RTTN: variants seen among roughly 807,000 people sequenced by gnomAD.
The protein encoded by RTTN is rotatin.
In RTTN, 182 loss-of-function variants were observed where a neutral mutation model predicts 269.2. That is an observed-to-expected ratio of 0.68 (90% CI 0.60 to 0.76). The LOEUF is 0.76. Among genes scored for constraint, RTTN ranks in the 30% least tolerant of loss-of-function variants. The pLI, the probability that RTTN is intolerant of heterozygous loss-of-function variation, is 0.00. For missense variants in RTTN, 2,545 were observed against 2,608.6 expected (o/e 0.98, Z 0.53); for synonymous variants, 1,006 against 963.5 (o/e 1.04, Z -0.82).
intron 40 of RTTN, among the ~76,000 whole-genome samples, chr18:70,044,169 A>G (rs914876520): frequency 6.6e-6 from 1 of 152,210 alleles, no homozygotes; most frequent in Non-Finnish European, 1.5e-5. Flanking sequence ...TACAGTGAAC[A>G]TTCATCAACA....
chr18:70,087,922 C>T (rs1287804575), intron 31 of RTTN, 67 bp downstream of exon 31: 1 of 1,518,098 alleles, frequency 6.6e-7, no homozygotes, highest in African/African-American at 1.4e-5. Context: ...GAGCGGCAGT[C>T]AAGTATCGCT....
At chr18:70,144,671 C>T (rs576468530) in intron 18 of RTTN, among the ~76,000 whole-genome samples, 12 of 152,170 alleles carry the variant, frequency 7.9e-5, no homozygotes, top group Non-Finnish European at 1.5e-4. Flanking sequence ...AAGTCCCAAC[C>T]AGACCTGGTA....
intron 28 of RTTN, among the ~76,000 whole-genome samples, chr18:70,094,530 T>C (rs1353451776): frequency 6.6e-6 from 1 of 152,236 alleles, no homozygotes; most frequent in Non-Finnish European, 1.5e-5. Flanking sequence ...TCTGCCTTAA[T>C]TGTGTTATTT....
At chr18:70,048,448 T>G (rs541167563) in intron 39 of RTTN, among the ~76,000 whole-genome samples, 4 of 152,300 alleles carry the variant, frequency 2.6e-5, no homozygotes, top group African/African-American at 7.2e-5. Flanking sequence ...ATTCACAAAC[T>G]TAATACAGAG....
chr18:70,174,858 TA>T (rs66794784), intron 11 of RTTN, among the ~76,000 whole-genome samples: 15,005 of 143,320 alleles, frequency 0.1, 1,318 homozygotes, highest in African/African-American at 0.24. Context: ...TGGTCTCTAC[TA>T]AAAAAAAAAA....
At position 70,073,958 on chromosome 18, in the gene RTTN, G is replaced by C. The variant is rs1462153838; in HGVS notation, c.4601C>G (p.Ser1534Cys). Reference protein sequence around the residue: ...DDSFKFWRAPSRTSQDRDPSS... With the variant: ...DDSFKFWRAPCRTSQDRDPSS... Reference sequence around the variant, plus strand: ...TGGATCTCGATCCTGACTTGTCCTAGATGGAGCCCTCCAAAACTTGAATGA... The same window carrying C: ...TGGATCTCGATCCTGACTTGTCCTACATGGAGCCCTCCAAAACTTGAATGA... The change falls in exon 34 of 49, where the codon TCT becomes TGT. Residue 1534 changes from serine (S) to cysteine (C), a missense_variant. Ser to Cys is a moderately radical substitution (Grantham distance 112, BLOSUM62 -1). Transcript: ENST00000640769. 3 of 1,611,908 alleles carry C rather than the reference G, an allele frequency of 1.9e-6. No homozygotes were observed. Among genetic ancestry groups the C allele is most frequent in the Non-Finnish European group, 2.5e-6 (3 of 1,178,464 alleles).
At chr18:70,177,338 A>G (rs1408519140) in intron 10 of RTTN, among the ~76,000 whole-genome samples, 1 of 152,224 alleles carries the variant, frequency 6.6e-6, no homozygotes, top group Admixed American at 6.5e-5. Context: ...GCATCAAGGA[A>G]AGTCAAATAA....
chr18:70,173,487 A>T (rs1365360293), intron 11 of RTTN, among the ~76,000 whole-genome samples: 1 of 146,096 alleles, frequency 6.8e-6, no homozygotes, highest in Non-Finnish European at 1.5e-5. Context: ...GCAAGACTCC[A>T]ACTCAAAAAA....
chr18:70,051,789 T>A (rs914460632), intron 38 of RTTN, among the ~76,000 whole-genome samples: 1 of 152,182 alleles, frequency 6.6e-6, no homozygotes, highest in Non-Finnish European at 1.5e-5. Flanking sequence ...CAAACTCTCC[T>A]CTTATTAAAG....
intron 10 of RTTN, among the ~76,000 whole-genome samples, chr18:70,184,757 T>TGTGTGG (rs2146045465): frequency 8.3e-6 from 1 of 120,528 alleles, no homozygotes; most frequent in South Asian, 3.3e-4. Context: ...TGTGTGTGTG[T>TGTGTGG]GGTGGCGGGC....
At chr18:70,157,326 G>A (rs1294315153) in intron 14 of RTTN, among the ~76,000 whole-genome samples, 5 of 152,174 alleles carry the variant, frequency 3.3e-5, no homozygotes, top group African/African-American at 9.7e-5. Context: ...GCACCCCCAG[G>A]GTTAGAGCAC....
chr18:70,035,906 C>T lies in RTTN; in HGVS notation c.5542-4925G>A, dbSNP rs546324392. On this transcript the variant is annotated intron_variant, in intron 40 of 48. Transcript: ENST00000640769. ...AGTGGGCAAAGGACACAAACAGACA[C>T]TTCTCAAAAGAAGACATACACATTG... Among the ~76,000 whole-genome samples the T allele has an allele frequency of 2.0e-5, 3 of 152,270 alleles. No individual in the cohort carries two copies. In the South Asian group the frequency reaches 6.2e-4, roughly 32 times the overall value.
intron 7 of RTTN, among the ~76,000 whole-genome samples, 162 bp from the exon 8 acceptor site, chr18:70,193,615 A>C (rs2146118392): frequency 6.6e-6 from 1 of 152,370 alleles, no homozygotes; most frequent in South Asian, 2.1e-4. Context: ...TTCTATAAGT[A>C]TTCACTTAGT....
In RTTN at chr18:70,196,662, G is replaced by A. The variant is rs964474949; in HGVS notation, c.694-14C>T. On this transcript the variant is annotated splice_polypyrimidine_tract_variant and intron_variant, in intron 6 of 48. Coordinates refer to ENST00000640769, the MANE Select transcript of RTTN (RefSeq NM_173630.4). ...AGATAAAAGGCTCTGAAATCAAGAA[G>A]AGCCGTGAAAATTACTAAGGGAACA... 5 of 1,604,558 alleles carry A rather than the reference G, an allele frequency of 3.1e-6. No individual in the cohort carries two copies. Among genetic ancestry groups the A allele is most frequent in the Non-Finnish European group, 4.2e-6 (5 of 1,177,514 alleles).
rs2061222009 is a variant in RTTN, at chr18:70,174,135, TATATGAAAG to T, written c.1476+2531_1476+2539del. ...ACTGAACTATGTACTTTTCTGAATG[TATATGAAAG>T]TTTAAAAAAAAAAAAAAAAGCCTTT... On this transcript the variant is annotated intron_variant, in intron 11 of 48. Transcript: ENST00000640769. 3.6e-5 allele frequency among the ~76,000 whole-genome samples: 4 copies of T among 111,152 alleles called. No homozygotes were observed. In the South Asian group the frequency reaches 1.7e-3, roughly 47 times the overall value. 72.9% of individuals were successfully genotyped at this position (111,152 alleles called of 152,430 possible). A position where few individuals can be genotyped will look rare whatever the true frequency, so the allele number is the denominator to read the frequency against.
intron 8 of RTTN, among the ~76,000 whole-genome samples, chr18:70,191,903 G>T (rs918405129): frequency 3.9e-5 from 6 of 152,166 alleles, no homozygotes; most frequent in African/African-American, 1.4e-4. Flanking sequence ...GAAGCATGAA[G>T]CACACAAGAG....
intron 40 of RTTN, among the ~76,000 whole-genome samples, chr18:70,037,400 C>T (rs2057208414): frequency 6.6e-6 from 1 of 152,194 alleles, no homozygotes; most frequent in African/African-American, 2.4e-5. Context: ...GTAAACAAGA[C>T]TTTGTCTTGC....
chr18:70,114,994 C>T (rs1420016023), intron 26 of RTTN, among the ~76,000 whole-genome samples: 1 of 151,814 alleles, frequency 6.6e-6, no homozygotes, highest in Non-Finnish European at 1.5e-5. Context: ...TCCTACTTCC[C>T]GTTATTAACA....
At chr18:70,170,208 T>G (rs1170249174) in intron 11 of RTTN, among the ~76,000 whole-genome samples, 1 of 152,198 alleles carries the variant, frequency 6.6e-6, no homozygotes, top group Admixed American at 6.5e-5. Flanking sequence ...GAATATTAAT[T>G]AGGCCTTACT....
Sources: allele counts gnomAD v4.1 joint callset (sites outside exome capture counted in the v4.1 genomes callset), GRCh38; gene constraint gnomAD v4.1.1; transcripts MANE v1.5; gene names NCBI Gene and HGNC (gene_info 2026-07-23, HGNC 2026-07-21).